The following SLC12A6 variants were observed in gnomAD, a reference collection of about 807,000 sequenced individuals.
The protein encoded by SLC12A6 is solute carrier family 12 member 6.
A neutral mutation model predicts 135.3 loss-of-function variants in SLC12A6; 66 were observed. The ratio of observed to expected loss-of-function variants is 0.49; its 90% CI spans 0.40 to 0.60. SLC12A6 has a LOEUF of 0.60. Ranked by LOEUF, SLC12A6 falls within the 20% of genes least tolerant of loss-of-function variation. The pLI, the probability that SLC12A6 is intolerant of heterozygous loss-of-function variation, is 0.00. For synonymous variants in SLC12A6, 513 were observed against 508.8 expected (o/e 1.01, Z -0.11); for missense variants, 1,058 against 1,452.3 (o/e 0.73, Z 4.41).
intron 2 of SLC12A6, among the ~76,000 whole-genome samples, chr15:34,326,126 CTG>C (rs1889441143): frequency 6.6e-6 from 1 of 152,194 alleles, no homozygotes; most frequent in African/African-American, 2.4e-5. Flanking sequence ...TCAGTTGCCA[CTG>C]TTGCCTCTTT....
At chr15:34,322,295 C>T (rs1439984877) in intron 2 of SLC12A6, among the ~76,000 whole-genome samples, 1 of 151,982 alleles carries the variant, frequency 6.6e-6, no homozygotes, top group African/African-American at 2.4e-5. Flanking sequence ...GCAGGAGAAT[C>T]ACTTGAACCC....
At chr15:34,260,892 A>C in intron 4 of SLC12A6, 34 bp downstream of exon 4, 1 of 902,264 alleles carries the variant, frequency 1.1e-6, no homozygotes, top group Non-Finnish European at 1.9e-6. Context: ...TCTGTTCCTA[A>C]AGTCTCAGTC....
At chr15:34,304,976 A>G (rs1418369883) in intron 2 of SLC12A6, among the ~76,000 whole-genome samples, 1 of 152,164 alleles carries the variant, frequency 6.6e-6, no homozygotes, top group Non-Finnish European at 1.5e-5. Flanking sequence ...ATTTTTGTAT[A>G]GTTGTAACAT....
chr15:34,271,884 T>C (rs781374547), intron 3 of SLC12A6, among the ~76,000 whole-genome samples: 14 of 152,210 alleles, frequency 9.2e-5, no homozygotes, highest in Non-Finnish European at 1.6e-4. Flanking sequence ...GGCAAGGCAA[T>C]TGAACCAGTT....
chr15:34,310,054 G>A (rs1308905669), intron 2 of SLC12A6, among the ~76,000 whole-genome samples: 1 of 149,646 alleles, frequency 6.7e-6, no homozygotes, highest in Non-Finnish European at 1.5e-5. Context: ...TGTTGCCCAG[G>A]ATAGAGTGCA....
intron 16 of SLC12A6, among the ~76,000 whole-genome samples, chr15:34,242,732 G>A (rs535875646): frequency 2.6e-5 from 4 of 152,188 alleles, no homozygotes; most frequent in East Asian, 3.9e-4. Context: ...AGAACTCACT[G>A]AGAAAAATTA....
chr15:34,252,048 G>A (rs879634469), intron 10 of SLC12A6, 122 bp downstream of exon 10: 52 of 684,936 alleles, frequency 7.6e-5, no homozygotes, highest in Admixed American at 2.4e-4. Flanking sequence ...TGTGTGGTGT[G>A]CTTAAGAAGG....
intron 19 of SLC12A6, among the ~76,000 whole-genome samples, chr15:34,240,195 A>C (rs930578057): frequency 2.6e-5 from 4 of 152,174 alleles, no homozygotes; most frequent in Non-Finnish European, 4.4e-5. Context: ...TATTAGAGTG[A>C]AAACAACTTC....
intron 14 of SLC12A6, 47 bp from the exon 15 acceptor site, chr15:34,245,450 C>G (rs752968309): frequency 1.1e-5 from 12 of 1,122,394 alleles, no homozygotes; most frequent in Non-Finnish European, 1.6e-5. Context: ...TGAGTCATTG[C>G]TCTCTGATTT....
chr15:34,243,854 CA>C, intron 16 of SLC12A6, 119 bp downstream of exon 16: 1 of 734,284 alleles, frequency 1.4e-6, no homozygotes, highest in Non-Finnish European at 2.5e-6. Context: ...AAAGTTGAAA[CA>C]GTATGAAATG....
At chr15:34,241,155 C>T in intron 18 of SLC12A6, 78 bp downstream of exon 18, 1 of 811,250 alleles carries the variant, frequency 1.2e-6, no homozygotes, top group African/African-American at 1.7e-5. Context: ...CATATGGTTT[C>T]CTTATCCTAA....
At chr15:34,324,559 T>A (rs1255050978) in intron 2 of SLC12A6, among the ~76,000 whole-genome samples, 1 of 152,198 alleles carries the variant, frequency 6.6e-6, no homozygotes, top group African/African-American at 2.4e-5. Context: ...TATGTTACAC[T>A]AGCATAGCTC....
At chr15:34,287,535 T>A (rs921169855) in intron 2 of SLC12A6, among the ~76,000 whole-genome samples, 2 of 152,178 alleles carry the variant, frequency 1.3e-5, no homozygotes, top group African/African-American at 4.8e-5. Context: ...TAGTTCTAGA[T>A]CCCTGAGGAA....
intron 25 of SLC12A6, among the ~76,000 whole-genome samples, chr15:34,234,923 A>G (rs1035893663): frequency 1.7e-4 from 26 of 152,212 alleles, no homozygotes; most frequent in African/African-American, 6.3e-4. Context: ...ATTGTCAGGA[A>G]GGGTTTTATA....
In SLC12A6 at chr15:34,254,347, C is replaced by A; in HGVS notation, c.1118+1G>T. 1 of 1,612,934 alleles carries A rather than the reference C, an allele frequency of 6.2e-7. No individual in the cohort carries two copies. The highest frequency in any genetic ancestry group is 8.5e-7 in the Non-Finnish European group (1 of 1,179,154). ...GGCTAGGCAGAGAGACAGACACGTA[C>A]GGGAAGTGTGGAGGAGCAAAAGAAG... is the stretch of plus-strand genomic sequence containing the variant. On this transcript the variant is annotated splice_donor_variant, in intron 9 of 25. Transcript: ENST00000354181. LOFTEE classifies it high-confidence loss of function.
intron 2 of SLC12A6, among the ~76,000 whole-genome samples, chr15:34,304,004 C>G (rs1423183896): frequency 6.6e-6 from 1 of 152,172 alleles, no homozygotes; most frequent in Non-Finnish European, 1.5e-5. Flanking sequence ...TCACCACAAT[C>G]TAATTTTACA....
At chr15:34,242,447 A>C (rs1308028197) in intron 16 of SLC12A6, among the ~76,000 whole-genome samples, 1 of 152,214 alleles carries the variant, frequency 6.6e-6, no homozygotes, top group African/African-American at 2.4e-5. Context: ...CTAAATGATT[A>C]TTCTCAATTC....
At chr15:34,251,115 A>G in intron 10 of SLC12A6, 58 bp from the exon 11 acceptor site, 1 of 1,255,450 alleles carries the variant, frequency 8.0e-7, no homozygotes, top group South Asian at 1.2e-5. Context: ...AAAGATAATT[A>G]ATTTTCTACC....
At chr15:34,325,719 G>A (rs1054575881) in intron 2 of SLC12A6, among the ~76,000 whole-genome samples, 1 of 152,076 alleles carries the variant, frequency 6.6e-6, no homozygotes, top group Non-Finnish European at 1.5e-5. Flanking sequence ...TAAAGCCTCA[G>A]GAAAATCTCA....
Sources: allele counts gnomAD v4.1 joint callset (sites outside exome capture counted in the v4.1 genomes callset), GRCh38; gene constraint gnomAD v4.1.1; transcripts MANE v1.5; gene names NCBI Gene and HGNC (gene_info 2026-07-23, HGNC 2026-07-21).